The following OPRM1 variants were observed in gnomAD, a reference collection of about 807,000 sequenced individuals.
OPRM1 encodes the protein mu-type opioid receptor.
Under a neutral mutation model 31.8 loss-of-function variants are expected in OPRM1, and 27 were observed. The ratio of observed to expected loss-of-function variants is 0.85; its 90% CI spans 0.63 to 1.17. The LOEUF (loss-of-function observed/expected upper bound fraction) is 1.17, where lower values mean the gene tolerates loss of function less well. Ranked by LOEUF, OPRM1 falls within the 50% of genes most tolerant of loss-of-function variation. The pLI, the probability that OPRM1 is intolerant of heterozygous loss-of-function variation, is 0.00. For synonymous variants in OPRM1, 196 were observed against 189.9 expected (o/e 1.03, Z -0.26); for missense variants, 536 against 511.1 (o/e 1.05, Z -0.47).
intron 3 of OPRM1, among the ~76,000 whole-genome samples, chr6:154,169,654 C>T (rs1404981220): frequency 6.6e-6 from 1 of 152,188 alleles, no homozygotes; most frequent in African/African-American, 2.4e-5. Flanking sequence ...CATCTTGCCA[C>T]ACAGACTCCA....
At chr6:154,115,978 G>T (rs991875331) in intron 3 of OPRM1, among the ~76,000 whole-genome samples, 1 of 152,134 alleles carries the variant, frequency 6.6e-6, no homozygotes, top group African/African-American at 2.4e-5. Flanking sequence ...GAGGGGCTTG[G>T]TTTTTCTCAT....
At chr6:154,046,956 G>A (rs538563192) in intron 1 of OPRM1, 3 of 152,282 alleles carry the variant, frequency 2.0e-5, no homozygotes, top group East Asian at 3.9e-4. Context: ...CTAAACAATC[G>A]TGGTTGCCAT....
intron 3 of OPRM1, among the ~76,000 whole-genome samples, chr6:154,193,366 G>A (rs980644546): frequency 2.6e-5 from 4 of 152,268 alleles, no homozygotes; most frequent in Admixed American, 2.6e-4. Context: ...CGGGGGAAAG[G>A]ATAAGAGTGA....
intron 3 of OPRM1, among the ~76,000 whole-genome samples, chr6:154,227,154 A>G (rs1779316642): frequency 6.6e-6 from 1 of 152,208 alleles, no homozygotes; most frequent in Non-Finnish European, 1.5e-5. Context: ...CAGTGAGCCA[A>G]GACCGCACCA....
intron 3 of OPRM1, among the ~76,000 whole-genome samples, chr6:154,227,879 A>C (rs969335489): frequency 1.3e-5 from 2 of 152,132 alleles, no homozygotes; most frequent in African/African-American, 4.8e-5. Context: ...TCCCCAGGAA[A>C]TTATCACTTT....
chr6:154,180,416 T>TATATATATATATA (rs1562526757), intron 3 of OPRM1, among the ~76,000 whole-genome samples: 2 of 51,122 alleles, frequency 3.9e-5, no homozygotes, highest in Admixed American at 1.6e-4. Flanking sequence ...ATATATATAT[T>TATATATATATATA]TTTTTTTTAA....
intron 1 of OPRM1, among the ~76,000 whole-genome samples, chr6:154,078,249 T>G (rs1788309108): frequency 6.6e-6 from 1 of 152,238 alleles, no homozygotes; most frequent in African/African-American, 2.4e-5. Flanking sequence ...CCCTGTCCTC[T>G]CTTCTAAACT....
At chr6:154,238,932 A>T (rs200895797) in intron 3 of OPRM1, among the ~76,000 whole-genome samples, 20,386 of 149,746 alleles carry the variant, frequency 0.14, 1,534 homozygotes, top group Non-Finnish European at 0.17. Flanking sequence ...GTTTTTTTTA[A>T]AAAAAAAAAG....
intron 3 of OPRM1, among the ~76,000 whole-genome samples, chr6:154,173,161 T>C (rs1001059095): frequency 1.3e-5 from 2 of 152,216 alleles, no homozygotes; most frequent in African/African-American, 2.4e-5. Context: ...ACCCCATCCG[T>C]AGGTCACCAA....
At position 154,099,466 on chromosome 6, in the gene OPRM1, AAGAAAAAGAAAGAAAG is replaced by A. The variant is rs1562470311; in HGVS notation, c.1164+7996_1164+8011del. Among the ~76,000 whole-genome samples the A allele has an allele frequency of 2.7e-5, 4 of 150,664 alleles. No individual in the cohort carries two copies. The East Asian group carries it at 7.8e-4, about 29-fold the overall frequency. ...GAAGAAAGAAAGAGAGAAAGAAAGA[AAGAAAAAGAAAGAAAG>A]AAAGAAGGAAAGAAAAAGAAAGAGG... is the stretch of plus-strand genomic sequence containing the variant. On this transcript the variant is annotated intron_variant, in intron 3 of 3. Coordinates refer to ENST00000330432, the MANE Select transcript of OPRM1 (RefSeq NM_000914.5).
intron 3 of OPRM1, chr6:154,214,219 T>A: frequency 1.3e-6 from 2 of 1,596,182 alleles, no homozygotes; most frequent in Non-Finnish European, 1.7e-6. Context: ...AGAACATACC[T>A]TCATCCTTTG....
intron 1 of OPRM1, among the ~76,000 whole-genome samples, chr6:154,058,974 C>T (rs1783875245): frequency 6.6e-6 from 1 of 152,130 alleles, no homozygotes. Flanking sequence ...GCTACATTAC[C>T]CTGAAACCTA....
chr6:154,121,249 G>A lies in OPRM1; in HGVS notation c.*2528G>A, dbSNP rs371652358. 2.6e-5 allele frequency among the ~76,000 whole-genome samples: 4 copies of A among 152,162 alleles called. No homozygotes were observed. The highest frequency in any genetic ancestry group is 3.8e-4 in the East Asian group (2 of 5,202). ...TTGTTTCTTTACCTGATCACTTGCT[G>A]TGGAAATTCTAGCTTATTGTGTTCC... On this transcript the variant is annotated 3_prime_UTR_variant, in exon 4 of 4. Transcript: ENST00000330432.
In OPRM1 at chr6:154,152,390, A is replaced by AAGGGAGAG. The variant is rs1798560156; in HGVS notation, c.1164+60920_1164+60921insGGAGAGAG. On this transcript the variant is annotated intron_variant, in intron 3 of 3. Transcript: ENST00000337049. ...AAAGAAAGAAAGAAAGAAAGAAAGA[A>AAGGGAGAG]AGAGAAATAGTGTTCAGGTTGTGGT... Among the ~76,000 whole-genome samples the AAGGGAGAG allele has an allele frequency of 1.6e-5, 2 of 126,198 alleles. 1 individual carries two copies. The highest frequency in any genetic ancestry group is 3.4e-5 in the Non-Finnish European group (2 of 58,484). The allele number at this position is 126,198 out of a possible 152,430, so 82.8% of individuals were successfully genotyped here.
At chr6:154,091,546 A>T in intron 3 of OPRM1, 74 bp downstream of exon 3, 1 of 1,508,214 alleles carries the variant, frequency 6.6e-7, no homozygotes, top group South Asian at 1.3e-5. Flanking sequence ...CTAAACTAGG[A>T]GTTTAATCCA....
At chr6:154,080,050 A>C (rs1312210531) in intron 1 of OPRM1, among the ~76,000 whole-genome samples, 1 of 152,142 alleles carries the variant, frequency 6.6e-6, no homozygotes, top group African/African-American at 2.4e-5. Flanking sequence ...TTAATGAAAA[A>C]TTTATTTATT....
At chr6:154,181,380 T>A (rs928790368) in intron 3 of OPRM1, among the ~76,000 whole-genome samples, 24 of 152,276 alleles carry the variant, frequency 1.6e-4, no homozygotes, top group African/African-American at 5.3e-4. Context: ...TTTTAACACT[T>A]CTATGAGAAG....
chr6:154,049,382 C>G (rs1488433314), intron 1 of OPRM1, among the ~76,000 whole-genome samples: 1 of 152,162 alleles, frequency 6.6e-6, no homozygotes, highest in African/African-American at 2.4e-5. Context: ...AAGAAGACAG[C>G]AGAGCATTGC....
At chr6:154,064,971 G>A (rs1785089028) in intron 1 of OPRM1, among the ~76,000 whole-genome samples, 1 of 152,010 alleles carries the variant, frequency 6.6e-6, no homozygotes, top group Non-Finnish European at 1.5e-5. Context: ...TGGCCATAGT[G>A]TTTAACTTAA....
Sources: allele counts gnomAD v4.1 joint callset (sites outside exome capture counted in the v4.1 genomes callset), GRCh38; gene constraint gnomAD v4.1.1; transcripts MANE v1.5; gene names NCBI Gene and HGNC (gene_info 2026-07-23, HGNC 2026-07-21).